The following NLGN4X variants were observed in gnomAD, a reference collection of about 807,000 sequenced individuals.
NLGN4X encodes neuroligin-4, X-linked.
A neutral mutation model predicts 40.3 loss-of-function variants in NLGN4X; 3 were observed. The observed-to-expected ratio is 0.07, with a 90% CI of 0.03 to 0.19. The LOEUF is 0.19. Ranked by LOEUF, NLGN4X falls within the 10% of genes least tolerant of loss-of-function variation. The pLI is 1.00. For missense variants in NLGN4X, 382 were observed against 708.3 expected (o/e 0.54, Z 5.23); for synonymous variants, 270 against 306.8 (o/e 0.88, Z 1.25).
intron 1 of NLGN4X, chrX:6,226,599 G>T (rs776749867): frequency 8.9e-6 from 1 of 111,828 alleles, no homozygotes; most frequent in East Asian, 2.9e-4. Flanking sequence ...CTTCGGGTGC[G>T]GCCCAGGAGA....
At position 5,890,667 on chromosome X, in the gene NLGN4X, G is replaced by A. The variant is rs928990195; in HGVS notation, c.*2150C>T. On this transcript the variant is annotated 3_prime_UTR_variant, in exon 6 of 6. Coordinates refer to ENST00000381095, the MANE Select transcript of NLGN4X (RefSeq NM_181332.3). ...CATAGCTCTATGAAACAATGAATTCGGAATGAAATCTTACCATGACACCTC... is the reference window on the plus strand; with the variant it reads ...CATAGCTCTATGAAACAATGAATTCAGAATGAAATCTTACCATGACACCTC... 3 of 321,746 alleles carry A rather than the reference G, an allele frequency of 9.3e-6. No homozygotes were observed. The highest frequency in any genetic ancestry group is 2.7e-5 in the African/African-American group (1 of 37,370). The allele number at this position is 321,746 out of a possible 1,213,427, so 26.5% of individuals were successfully genotyped here.
intron 1 of NLGN4X, among the ~76,000 whole-genome samples, chrX:6,168,449 T>C (rs927592334): frequency 3.6e-5 from 4 of 112,484 alleles, no homozygotes; most frequent in Non-Finnish European, 7.5e-5. Context: ...TTTGAATTAA[T>C]TGGATAATTA....
intron 3 of NLGN4X, among the ~76,000 whole-genome samples, chrX:5,972,781 G>A (rs759729572): frequency 0.051 from 5,355 of 104,780 alleles, 546 homozygotes; most frequent in African/African-American, 0.19. Context: ...GTGGGGGCGG[G>A]GATGTCTCTT....
chrX:6,065,588 C>T (rs1003823533), intron 2 of NLGN4X, among the ~76,000 whole-genome samples: 7 of 110,955 alleles, frequency 6.3e-5, no homozygotes, highest in African/African-American at 2.0e-4. Context: ...GAAAATTTTG[C>T]GGTTAAATAA....
chrX:5,916,059 T>A (rs1292009046), intron 3 of NLGN4X, among the ~76,000 whole-genome samples: 1 of 111,547 alleles, frequency 9.0e-6, no homozygotes, highest in East Asian at 2.8e-4. Context: ...TTCCTCTGAA[T>A]TTCCACACCA....
At chrX:6,145,239 T>C in intron 2 of NLGN4X, among the ~76,000 whole-genome samples, 1 of 111,561 alleles carries the variant, frequency 9.0e-6, no homozygotes, top group East Asian at 2.8e-4. Flanking sequence ...AGTATGGAAT[T>C]ATGGAACTTT....
intron 2 of NLGN4X, among the ~76,000 whole-genome samples, chrX:6,083,305 C>G (rs1304709200): frequency 9.0e-6 from 1 of 110,882 alleles, no homozygotes; most frequent in Non-Finnish European, 1.9e-5. Context: ...CTCTCTTGAG[C>G]TCTTTGCCCC....
chrX:6,113,148 G>T (rs1172731184), intron 2 of NLGN4X, among the ~76,000 whole-genome samples: 2 of 110,904 alleles, frequency 1.8e-5, no homozygotes, highest in Non-Finnish European at 3.8e-5. Context: ...TGGGATCCTG[G>T]ATAGGATTTG....
At chrX:5,965,412 A>G (rs2034800711) in intron 3 of NLGN4X, among the ~76,000 whole-genome samples, 1 of 112,124 alleles carries the variant, frequency 8.9e-6, no homozygotes, top group South Asian at 3.7e-4. Context: ...ATTCTTCTTG[A>G]AAACCTTGGA....
chrX:5,911,245 C>T (rs2032461536), intron 3 of NLGN4X, among the ~76,000 whole-genome samples: 1 of 111,913 alleles, frequency 8.9e-6, no homozygotes, highest in Non-Finnish European at 1.9e-5. Flanking sequence ...TCTTCACTCA[C>T]TGTTCTCTCT....
intron 1 of NLGN4X, among the ~76,000 whole-genome samples, chrX:6,214,011 C>CA (rs771640081): frequency 1.1e-4 from 12 of 111,666 alleles, no homozygotes; most frequent in African/African-American, 3.9e-4. Context: ...TTGTAAAAAC[C>CA]AAAAAACACC....
rs188582063 is a variant in NLGN4X at position 5,892,301 on chromosome X, C to A, written c.*516G>T. The stretch of plus-strand genomic sequence containing the variant: ...AGTCCATTCTTTTAATAATAAATTT[C>A]TACGTTTCCTTCTCTCTGGATTACA... On this transcript the variant is annotated 3_prime_UTR_variant, in exon 6 of 6. Transcript: ENST00000381095. The A allele has an allele frequency of 1.5e-3, 240 of 156,058 alleles. 1 individual carries two copies. The highest frequency in any genetic ancestry group is 6.6e-3 in the African/African-American group (211 of 31,918). The allele number at this position is 156,058 out of a possible 1,213,427, so 12.9% of individuals were successfully genotyped here. A position where few individuals can be genotyped will look rare whatever the true frequency, so the allele number is the denominator to read the frequency against.
At chrX:5,997,602 A>ACG (rs1201158524) in intron 3 of NLGN4X, among the ~76,000 whole-genome samples, 79 of 16,583 alleles carry the variant, frequency 4.8e-3, no homozygotes, top group Admixed American at 0.011. Context: ...ATATATACAC[A>ACG]TATATATATA....
At chrX:6,014,802 C>CT (rs1418264927) in intron 3 of NLGN4X, among the ~76,000 whole-genome samples, 1 of 111,788 alleles carries the variant, frequency 8.9e-6, no homozygotes, top group African/African-American at 3.3e-5. Context: ...GAACAATACA[C>CT]TAGTCCTTTA....
At chrX:6,032,746 G>A in intron 2 of NLGN4X, 1 of 1,147,621 alleles carries the variant, frequency 8.7e-7, no homozygotes, top group Non-Finnish European at 1.2e-6. Context: ...TCTTTGTGTT[G>A]GCTCCTGGGG....
chrX:6,024,651 T>A (rs2036640353), intron 3 of NLGN4X, among the ~76,000 whole-genome samples: 1 of 111,140 alleles, frequency 9.0e-6, no homozygotes, highest in Non-Finnish European at 1.9e-5. Context: ...TCACTACTCA[T>A]TATACGCTAA....
intron 2 of NLGN4X, among the ~76,000 whole-genome samples, chrX:6,077,816 A>G (rs777812464): frequency 8.9e-6 from 1 of 111,837 alleles, no homozygotes; most frequent in African/African-American, 3.2e-5. Context: ...GGATTCATAG[A>G]AAGGTATGTC....
chrX:6,200,687 C>CTTTTTTTTTTTCTTTTTTTTTTTTTTTT (rs1556005144), intron 1 of NLGN4X, among the ~76,000 whole-genome samples: 4 of 55,575 alleles, frequency 7.2e-5, no homozygotes, highest in Non-Finnish European at 9.2e-5. Flanking sequence ...CTTTCCTTTT[C>CTTTTTTTTTTTCTTTTTTTTTTTTTTTT]TTTTTTTTTT....
At chrX:5,955,324 A>T (rs1277743504) in intron 3 of NLGN4X, among the ~76,000 whole-genome samples, 1 of 112,170 alleles carries the variant, frequency 8.9e-6, no homozygotes, top group Non-Finnish European at 1.9e-5. Context: ...ATCCATCACC[A>T]ATGAGAATTC....
Sources: gnomAD v4.1 joint callset for allele counts (sites outside exome capture counted in the v4.1 genomes callset) on GRCh38, gnomAD v4.1.1 for gene constraint, MANE v1.5 for transcripts, NCBI Gene and HGNC (gene_info 2026-07-23, HGNC 2026-07-21) for gene names.